Variants in TMEM68 observed in about 807,000 individuals in gnomAD.
TMEM68 encodes the protein DGAT1/2-independent enzyme synthesizing storage lipids.
In TMEM68, 25 loss-of-function variants were observed where a neutral mutation model predicts 36.9. That is an observed-to-expected ratio of 0.68 (90% confidence interval 0.49 to 0.95). The LOEUF (loss-of-function observed/expected upper bound fraction) is 0.95. TMEM68 is among the 40% of genes least tolerant of loss of function. The pLI is 0.00. For synonymous variants in TMEM68, 131 were observed against 124.4 expected (o/e 1.05, Z -0.35); for missense variants, 333 against 392.0 (o/e 0.85, Z 1.27).
At chr8:55,744,299 ATTTT>A (rs758170217) in intron 6 of TMEM68, among the ~76,000 whole-genome samples, 1 of 19,180 alleles carries the variant, frequency 5.2e-5, no homozygotes. Context: ...GACAGACTAA[ATTTT>A]TTTTTTTTTT....
chr8:55,763,044 A>G lies in TMEM68; in HGVS notation c.-69-16T>C. 7.2e-7 allele frequency: 1 copy of G among 1,390,048 alleles called. No individual in the cohort carries two copies. Among genetic ancestry groups the G allele is most frequent in the Middle Eastern group, 1.9e-4 (1 of 5,172 alleles). 86.1% of individuals were successfully genotyped at this position (1,390,048 alleles called of 1,614,324 possible). ...AATTTTGACACTAGAAGGGAAAAAT[A>G]ATCCAGTATTATTTTCTCCACAGCT... On this transcript the variant is annotated splice_polypyrimidine_tract_variant and intron_variant, in intron 2 of 7. Coordinates refer to ENST00000434581, the MANE Select transcript of TMEM68 (RefSeq NM_001286657.2).
At chr8:55,747,763 A>G (rs1682009073) in intron 5 of TMEM68, 1 of 152,212 alleles carries the variant, frequency 6.6e-6, no homozygotes, top group African/African-American at 2.4e-5. Context: ...GTAAAATAAA[A>G]TATTAGTATG....
At chr8:55,763,227 T>C (rs1810857200) in intron 2 of TMEM68, among the ~76,000 whole-genome samples, 199 bp from the exon 3 acceptor site, 1 of 152,194 alleles carries the variant, frequency 6.6e-6, no homozygotes, top group African/African-American at 2.4e-5. Flanking sequence ...GTTTAGCTTT[T>C]GAAATAATTC....
At chr8:55,742,368 A>C (rs985892975) in intron 7 of TMEM68, among the ~76,000 whole-genome samples, 1 of 152,182 alleles carries the variant, frequency 6.6e-6, no homozygotes, top group Non-Finnish European at 1.5e-5. Flanking sequence ...AAAAATGGTT[A>C]AGATAGTACA....
intron 3 of TMEM68, among the ~76,000 whole-genome samples, chr8:55,759,504 G>A (rs1810718237): frequency 6.6e-6 from 1 of 152,086 alleles, no homozygotes; most frequent in East Asian, 1.9e-4. Context: ...TTGGGAGGCG[G>A]AGGTTGCAGT....
intron 6 of TMEM68, among the ~76,000 whole-genome samples, chr8:55,744,006 A>G (rs1395673044): frequency 6.6e-6 from 1 of 152,120 alleles, no homozygotes; most frequent in Non-Finnish European, 1.5e-5. Flanking sequence ...AAAGGCAAAC[A>G]AGTTACTATT....
intron 1 of TMEM68, among the ~76,000 whole-genome samples, chr8:55,767,455 G>A (rs894240101): frequency 6.6e-6 from 1 of 152,162 alleles, no homozygotes; most frequent in Admixed American, 6.5e-5. Flanking sequence ...AGTTTAAGAT[G>A]TCTATTGGAC....
At chr8:55,764,861 T>C (rs947558052) in intron 1 of TMEM68, among the ~76,000 whole-genome samples, 1 of 152,092 alleles carries the variant, frequency 6.6e-6, no homozygotes, top group Non-Finnish European at 1.5e-5. Flanking sequence ...TCACCTGAGG[T>C]CGGGGGTTTG....
chr8:55,768,922 G>T (rs1349885096), intron 1 of TMEM68, among the ~76,000 whole-genome samples: 1 of 150,770 alleles, frequency 6.6e-6, no homozygotes, highest in East Asian at 1.9e-4. Flanking sequence ...AGGCTGAAGG[G>T]GGAGGATCAC....
chr8:55,745,770 C>T (rs1295948410), intron 5 of TMEM68: 3 of 152,136 alleles, frequency 2.0e-5, no homozygotes, highest in Non-Finnish European at 4.4e-5. Context: ...GATCACGGCT[C>T]ACTGCAGTCT....
intron 3 of TMEM68, among the ~76,000 whole-genome samples, chr8:55,759,343 G>A (rs1810709280): frequency 2.6e-5 from 4 of 151,938 alleles, no homozygotes; most frequent in Non-Finnish European, 5.9e-5. Context: ...GGGTGAGGCG[G>A]GAGGATCACC....
At chr8:55,750,250 T>C (rs1159635733) in intron 5 of TMEM68, among the ~76,000 whole-genome samples, 14 of 152,196 alleles carry the variant, frequency 9.2e-5, no homozygotes, top group Admixed American at 9.2e-4. Flanking sequence ...TCTATGTCAG[T>C]GCTTAAGACT....
chr8:55,759,445 C>T (rs1318838948), intron 3 of TMEM68, among the ~76,000 whole-genome samples: 1 of 151,886 alleles, frequency 6.6e-6, no homozygotes, highest in Non-Finnish European at 1.5e-5. Context: ...GTGGCATGTG[C>T]CTATAGTCCC....
intron 4 of TMEM68, among the ~76,000 whole-genome samples, chr8:55,753,193 CATTTT>C (rs937977604): frequency 2.3e-4 from 35 of 152,094 alleles, no homozygotes; most frequent in Admixed American, 1.3e-3. Context: ...AAAATATTCA[CATTTT>C]ATTATTGCTA....
chr8:55,770,751 G>A (rs1170318217), intron 1 of TMEM68, among the ~76,000 whole-genome samples: 1 of 152,072 alleles, frequency 6.6e-6, no homozygotes, highest in Non-Finnish European at 1.5e-5. Context: ...AAAATTCCAG[G>A]TTATTTTCTA....
chr8:55,745,051 C>T lies in TMEM68; in HGVS notation c.748+10G>A. Reference sequence around the variant, plus strand: ...CATTGTAATTTAAAACCATACAAATCAGAACTTACTTGTTCCTCCAAGTGA... The same window carrying T: ...CATTGTAATTTAAAACCATACAAATTAGAACTTACTTGTTCCTCCAAGTGA... On this transcript the variant is annotated intron_variant, in intron 6 of 7. Coordinates refer to ENST00000434581, the MANE Select transcript of TMEM68 (RefSeq NM_001286657.2). 1.4e-6 allele frequency: 2 copies of T among 1,478,644 alleles called. No individual in the cohort carries two copies. Among genetic ancestry groups the T allele is most frequent in the Non-Finnish European group, 1.8e-6 (2 of 1,116,254 alleles). The allele number at this position is 1,478,644 out of a possible 1,614,324, so 91.6% of individuals were successfully genotyped here.
intron 4 of TMEM68, among the ~76,000 whole-genome samples, chr8:55,755,009 G>A (rs1488755658): frequency 6.9e-6 from 1 of 145,386 alleles, no homozygotes; most frequent in Non-Finnish European, 1.5e-5. Flanking sequence ...TTTAAATGTA[G>A]TCTTCACGGC....
At chr8:55,744,574 T>C (rs1219904478) in intron 6 of TMEM68, among the ~76,000 whole-genome samples, 1 of 152,062 alleles carries the variant, frequency 6.6e-6, no homozygotes, top group African/African-American at 2.4e-5. Flanking sequence ...CCCAAAGTGC[T>C]AGGATTACAG....
At chr8:55,766,280 T>C (rs777085842) in intron 1 of TMEM68, among the ~76,000 whole-genome samples, 1 of 151,580 alleles carries the variant, frequency 6.6e-6, no homozygotes, top group Non-Finnish European at 1.5e-5. Flanking sequence ...TGGTGTGGCC[T>C]GAGGAGCAGC....
Sources: gnomAD v4.1 joint callset for allele counts (sites outside exome capture counted in the v4.1 genomes callset) on GRCh38, gnomAD v4.1.1 for gene constraint, MANE v1.5 for transcripts, NCBI Gene and HGNC (gene_info 2026-07-23, HGNC 2026-07-21) for gene names.